Variants in SHOC2 observed in about 807,000 individuals in gnomAD.
SHOC2 encodes SHOC2 leucine rich repeat scaffold protein.
Under a neutral mutation model 50.2 loss-of-function variants are expected in SHOC2, and 4 were observed. That is an observed-to-expected ratio of 0.08 (90% CI 0.04 to 0.18). The LOEUF is 0.18. Ranked by LOEUF, SHOC2 falls within the 10% of genes least tolerant of loss-of-function variation. SHOC2 has a pLI of 1.00. For synonymous variants in SHOC2, 218 were observed against 244.5 expected (o/e 0.89, Z 1.01); for missense variants, 388 against 669.6 (o/e 0.58, Z 4.64).
chr10:111,009,624 T>C (rs756695364), intron 7 of SHOC2, 89 bp from the exon 8 acceptor site: 11 of 894,910 alleles, frequency 1.2e-5, no homozygotes, highest in Admixed American at 2.0e-5. Context: ...CCCTGTTAAT[T>C]TATTTTATTG....
chr10:110,949,402 C>G (rs1847308283), intron 1 of SHOC2, among the ~76,000 whole-genome samples: 1 of 152,124 alleles, frequency 6.6e-6, no homozygotes, highest in Middle Eastern at 3.4e-3. Context: ...AAGAGAAAAT[C>G]CAATCACACC....
intron 8 of SHOC2, 62 bp downstream of exon 8, chr10:111,009,892 A>AT: frequency 2.3e-6 from 2 of 888,700 alleles, no homozygotes; most frequent in Non-Finnish European, 3.8e-6. Context: ...TTCAAGCAAT[A>AT]TTTCAGATAA....
chr10:110,970,284 G>T (rs532795477), intron 2 of SHOC2, among the ~76,000 whole-genome samples: 1 of 152,238 alleles, frequency 6.6e-6, no homozygotes, highest in South Asian at 2.1e-4. Context: ...TAGCATGAGA[G>T]AACATGCAGT....
intron 1 of SHOC2, among the ~76,000 whole-genome samples, chr10:110,933,047 G>C (rs1417497566): frequency 6.6e-6 from 1 of 152,100 alleles, no homozygotes; most frequent in Non-Finnish European, 1.5e-5. Context: ...GGAAGTAGTA[G>C]ATATATTAAG....
chr10:110,989,094 A>G (rs1848134349), intron 3 of SHOC2: 3 of 477,980 alleles, frequency 6.3e-6, no homozygotes, highest in Non-Finnish European at 1.2e-5. Flanking sequence ...TGTGGTCAAG[A>G]ACATTCCTGA....
chr10:110,936,147 A>G (rs1173160268), intron 1 of SHOC2, among the ~76,000 whole-genome samples: 9 of 136,638 alleles, frequency 6.6e-5, no homozygotes, highest in Non-Finnish European at 1.2e-4. Flanking sequence ...CCCAGGTTGG[A>G]GTGCAATGGC....
At chr10:110,966,342 C>G (rs535700309) in intron 2 of SHOC2, among the ~76,000 whole-genome samples, 1 of 152,072 alleles carries the variant, frequency 6.6e-6, no homozygotes, top group East Asian at 1.9e-4. Flanking sequence ...ATGTTCCATT[C>G]CATGTCTTCA....
intron 5 of SHOC2, among the ~76,000 whole-genome samples, chr10:111,005,643 A>G (rs912677299): frequency 6.6e-6 from 1 of 152,174 alleles, no homozygotes; most frequent in Non-Finnish European, 1.5e-5. Flanking sequence ...TTATGGGTGA[A>G]CGTTAGTTTC....
intron 2 of SHOC2, among the ~76,000 whole-genome samples, chr10:110,984,390 T>A (rs1848040061): frequency 1.3e-5 from 2 of 152,220 alleles, no homozygotes; most frequent in Admixed American, 1.3e-4. Context: ...TCTTTATATA[T>A]TTTTGGATAT....
chr10:110,940,100 TAA>T (rs1847105992), intron 1 of SHOC2, among the ~76,000 whole-genome samples: 1 of 152,240 alleles, frequency 6.6e-6, no homozygotes, highest in Non-Finnish European at 1.5e-5. Context: ...AGCAGAATGA[TAA>T]AAGTTATTAG....
Position 110,946,265 on chromosome 10 carries a change from T to A in SHOC2, c.-234-17860T>A, listed in dbSNP as rs925401679. ...CTGAGATAACATATTTTGAAGCTGA[T>A]CATTTATATTTCTTAAAGAAGAAAT... On this transcript the variant is annotated intron_variant, in intron 1 of 8. Coordinates refer to ENST00000369452, the MANE Select transcript of SHOC2 (RefSeq NM_007373.4). 6.6e-5 allele frequency among the ~76,000 whole-genome samples: 10 copies of A among 151,808 alleles called. No individual in the cohort carries two copies. The East Asian group carries it at 1.9e-3, about 29-fold the overall frequency.
chr10:110,994,147 G>A (rs1237414975), intron 3 of SHOC2, among the ~76,000 whole-genome samples: 3 of 151,960 alleles, frequency 2.0e-5, no homozygotes, highest in African/African-American at 7.3e-5. Flanking sequence ...CATTTTATCT[G>A]CAGCTGCATA....
chr10:110,953,784 C>T (rs1265687491), intron 1 of SHOC2, among the ~76,000 whole-genome samples: 1 of 150,970 alleles, frequency 6.6e-6, no homozygotes, highest in Non-Finnish European at 1.5e-5. Context: ...TTTAAACCTA[C>T]CATCTTATGC....
intron 1 of SHOC2, among the ~76,000 whole-genome samples, chr10:110,931,666 A>G (rs888907369): frequency 1.3e-5 from 2 of 152,126 alleles, no homozygotes; most frequent in Non-Finnish European, 2.9e-5. Context: ...TTTATTGTTC[A>G]TTTATCATGT....
At chr10:110,960,764 C>T (rs1031028257) in intron 1 of SHOC2, among the ~76,000 whole-genome samples, 5 of 152,216 alleles carry the variant, frequency 3.3e-5, no homozygotes, top group African/African-American at 4.8e-5. Context: ...CAACCACTGC[C>T]TCTTGGGTTC....
intron 1 of SHOC2, among the ~76,000 whole-genome samples, chr10:110,943,080 C>T (rs916230772): frequency 1.3e-5 from 2 of 152,100 alleles, no homozygotes; most frequent in African/African-American, 4.8e-5. Flanking sequence ...TTGAATTTAT[C>T]TTCCTCGGAG....
At chr10:110,938,238 A>G (rs1275862405) in intron 1 of SHOC2, among the ~76,000 whole-genome samples, 2 of 152,094 alleles carry the variant, frequency 1.3e-5, no homozygotes, top group African/African-American at 2.4e-5. Flanking sequence ...CATTTGCCTG[A>G]GTTTCATTTT....
chr10:110,929,953 A>G (rs1211090881), intron 1 of SHOC2, among the ~76,000 whole-genome samples: 1 of 152,244 alleles, frequency 6.6e-6, no homozygotes, highest in African/African-American at 2.4e-5. Flanking sequence ...ATTAAAACAT[A>G]TAAGAGCTGC....
chr10:110,957,772 G>A (rs1412716610), intron 1 of SHOC2, among the ~76,000 whole-genome samples: 1 of 152,172 alleles, frequency 6.6e-6, no homozygotes, highest in East Asian at 1.9e-4. Flanking sequence ...TTGATGCCAC[G>A]ACAAATTAAT....
Sources: allele counts gnomAD v4.1 joint callset (sites outside exome capture counted in the v4.1 genomes callset), GRCh38; gene constraint gnomAD v4.1.1; transcripts MANE v1.5; gene names NCBI Gene and HGNC (gene_info 2026-07-23, HGNC 2026-07-21).